The following ST6GAL2 variants were observed in gnomAD, a reference collection of about 807,000 sequenced individuals.
ST6GAL2 encodes ST6 beta-galactoside alpha-2,6-sialyltransferase 2, also known as beta-galactoside alpha-2,6-sialyltransferase 2.
In ST6GAL2, 24 loss-of-function variants were observed where a neutral mutation model predicts 37.5. That is an observed-to-expected ratio of 0.64 (90% confidence interval 0.46 to 0.90). The LOEUF is 0.90. ST6GAL2 is among the 40% of genes least tolerant of loss of function. ST6GAL2 has a pLI of 0.00. For missense variants in ST6GAL2, 715 were observed against 712.7 expected (o/e 1.00, Z -0.04); for synonymous variants, 306 against 295.1 (o/e 1.04, Z -0.38).
At position 106,806,709 on chromosome 2, in the gene ST6GAL2, G is replaced by A; in HGVS notation, c.1559C>T (p.Pro520Leu). 1 of 1,614,128 alleles carries A rather than the reference G, an allele frequency of 6.2e-7. No individual in the cohort carries two copies. The highest frequency in any genetic ancestry group is 8.5e-7 in the Non-Finnish European group (1 of 1,180,016). ...GTGTGGAATGACTGGACTTGGTGCA[G>A]GGCAGTGCACCGCCTGGAAGCCGGG... ...VLPGFQAVHCPAPSPVIPHS is the reference protein window; with the variant it reads ...VLPGFQAVHCLAPSPVIPHS The change falls in exon 6 of 6, where the codon CCT (proline) becomes CTT (leucine). Residue 520 changes from proline to leucine, a missense_variant. Pro to Leu is a moderately conservative substitution (Grantham distance 98). Transcript: ENST00000409382.
intron 1 of ST6GAL2, among the ~76,000 whole-genome samples, chr2:106,854,850 TTTTCATG>T (rs1043165883): frequency 5.3e-5 from 8 of 152,008 alleles, no homozygotes; most frequent in Non-Finnish European, 4.4e-5. Context: ...TTCTCTCATG[TTTTCATG>T]TTTCATGTTT....
chr2:106,884,940 C>CACAT (rs1558739526), intron 1 of ST6GAL2, among the ~76,000 whole-genome samples: 1 of 96,390 alleles, frequency 1.0e-5, no homozygotes, highest in Non-Finnish European at 2.0e-5. Context: ...TATATACATA[C>CACAT]ACACACACAC....
At chr2:106,817,764 G>A (rs192263293) in intron 5 of ST6GAL2, among the ~76,000 whole-genome samples, 2 of 152,216 alleles carry the variant, frequency 1.3e-5, no homozygotes, top group African/African-American at 2.4e-5. Flanking sequence ...CACCAAGCAG[G>A]CTCCTGGGGT....
intron 2 of ST6GAL2, among the ~76,000 whole-genome samples, chr2:106,837,476 C>T (rs949300497): frequency 2.0e-5 from 3 of 152,126 alleles, no homozygotes; most frequent in African/African-American, 4.8e-5. Context: ...CATGGACCCT[C>T]GAAAGGGTCT....
At chr2:106,808,471 A>G (rs1396133857) in intron 5 of ST6GAL2, among the ~76,000 whole-genome samples, 1 of 152,206 alleles carries the variant, frequency 6.6e-6, no homozygotes, top group African/African-American at 2.4e-5. Flanking sequence ...CAGAACCTCA[A>G]GTTACTGGGT....
intron 1 of ST6GAL2, among the ~76,000 whole-genome samples, chr2:106,859,981 C>T (rs538801231): frequency 6.6e-6 from 1 of 152,258 alleles, no homozygotes; most frequent in East Asian, 1.9e-4. Flanking sequence ...TCCTACCCGA[C>T]CCCTTGCTGC....
intron 1 of ST6GAL2, among the ~76,000 whole-genome samples, chr2:106,866,960 G>A (rs1306047147): frequency 3.3e-5 from 5 of 152,030 alleles, no homozygotes; most frequent in Non-Finnish European, 5.9e-5. Flanking sequence ...GGCATTGCAC[G>A]AGTTAACAAT....
chr2:106,866,097 AG>A (rs1678015009), intron 1 of ST6GAL2, among the ~76,000 whole-genome samples: 1 of 152,252 alleles, frequency 6.6e-6, no homozygotes, highest in African/African-American at 2.4e-5. Context: ...TAAATTATAA[AG>A]ATGGCTTCAT....
At chr2:106,870,100 G>A (rs1678201878) in intron 1 of ST6GAL2, among the ~76,000 whole-genome samples, 3 of 152,086 alleles carry the variant, frequency 2.0e-5, no homozygotes, top group African/African-American at 7.2e-5. Flanking sequence ...GTCACCTGGG[G>A]GATGGGGGGC....
chr2:106,806,924 G>A lies in ST6GAL2; in HGVS notation c.1344C>T (p.Cys448=), dbSNP rs753010182. The A allele has an allele frequency of 3.1e-6, 5 of 1,612,718 alleles. No individual in the cohort carries two copies. Among genetic ancestry groups the A allele is most frequent in the Non-Finnish European group, 3.4e-6 (4 of 1,178,910 alleles). The change falls in exon 6 of 6, where the codon TGC becomes TGT. Residue 448 remains cysteine (C), a synonymous_variant. Transcript: ENST00000409382. ...FIGILIMMSM[C]REVHVYEYIP... The stretch of plus-strand genomic sequence containing the variant: ...TATATTCATACACGTGCACCTCTCT[G>A]CACATGGACATCATTATGAGGATTC...
intron 5 of ST6GAL2, among the ~76,000 whole-genome samples, chr2:106,812,680 T>C (rs1163256544): frequency 2.0e-5 from 3 of 152,334 alleles, no homozygotes; most frequent in East Asian, 1.9e-4. Context: ...CCGGATACCA[T>C]ATATGCACAA....
intron 2 of ST6GAL2, chr2:106,834,979 G>C (rs770773598): frequency 6.6e-6 from 1 of 152,226 alleles, no homozygotes; most frequent in Admixed American, 6.5e-5. Context: ...TGAAAACAAG[G>C]TACCCCTATC....
intron 1 of ST6GAL2, among the ~76,000 whole-genome samples, chr2:106,884,731 C>G (rs917061685): frequency 6.6e-6 from 1 of 151,854 alleles, no homozygotes; most frequent in Non-Finnish European, 1.5e-5. Context: ...AATATCCATT[C>G]ACCTTTGCCA....
At chr2:106,847,199 T>G (rs1420942337) in intron 1 of ST6GAL2, among the ~76,000 whole-genome samples, 1 of 152,262 alleles carries the variant, frequency 6.6e-6, no homozygotes, top group East Asian at 1.9e-4. Flanking sequence ...TAAAAGTTTC[T>G]AAATGCCTGC....
chr2:106,872,390 A>G (rs1050157898), intron 1 of ST6GAL2, among the ~76,000 whole-genome samples: 12 of 152,222 alleles, frequency 7.9e-5, no homozygotes, highest in Admixed American at 5.9e-4. Flanking sequence ...TGACACAGTC[A>G]GAATAACAAC....
At chr2:106,812,531 A>G (rs1652653131) in intron 5 of ST6GAL2, among the ~76,000 whole-genome samples, 1 of 152,206 alleles carries the variant, frequency 6.6e-6, no homozygotes, top group South Asian at 2.1e-4. Context: ...CAGCACACAC[A>G]TAGTGAACCA....
At position 106,829,159 on chromosome 2, in the gene ST6GAL2, C is replaced by T. The variant is rs541971754; in HGVS notation, c.1318+907G>A. 1.8e-4 allele frequency among the ~76,000 whole-genome samples: 27 copies of T among 152,306 alleles called. No individual in the cohort carries two copies. In the South Asian group the frequency reaches 3.7e-3, roughly 21 times the overall value. On this transcript the variant is annotated intron_variant, in intron 5 of 5. Coordinates refer to ENST00000409382, the MANE Select transcript of ST6GAL2 (RefSeq NM_001142351.2). The stretch of plus-strand genomic sequence containing the variant: ...TGAACAGGCATGGGTGGTGGATTCA[C>T]GATGCTGCACATTCCTGGACATGCC...
chr2:106,824,683 A>C (rs900720205), intron 5 of ST6GAL2, among the ~76,000 whole-genome samples: 2 of 152,234 alleles, frequency 1.3e-5, no homozygotes, highest in African/African-American at 4.8e-5. Flanking sequence ...ATAGGATTTA[A>C]TGTTACGGAA....
intron 1 of ST6GAL2, among the ~76,000 whole-genome samples, chr2:106,851,754 C>T (rs1316419019): frequency 6.6e-6 from 1 of 151,320 alleles, no homozygotes; most frequent in Non-Finnish European, 1.5e-5. Flanking sequence ...CTGAGACACA[C>T]TCACGTCCTT....
Sources: allele counts gnomAD v4.1 joint callset (sites outside exome capture counted in the v4.1 genomes callset), GRCh38; gene constraint gnomAD v4.1.1; transcripts MANE v1.5; gene names NCBI Gene and HGNC (gene_info 2026-07-23, HGNC 2026-07-21).